The following DCC variants were observed in gnomAD, a reference collection of about 807,000 sequenced individuals.
DCC encodes the protein netrin receptor DCC.
A neutral mutation model predicts 172.5 loss-of-function variants in DCC; 58 were observed. That is an observed-to-expected ratio of 0.34 (90% CI 0.27 to 0.42). DCC has a LOEUF of 0.42. DCC is among the 10% of genes least tolerant of loss of function. The pLI is 1.00. For synonymous variants in DCC, 709 were observed against 644.5 expected (o/e 1.10, Z -1.52); for missense variants, 1,740 against 1,791.0 (o/e 0.97, Z 0.51).
chr18:52,529,764 A>G (rs1484309934), intron 1 of DCC, among the ~76,000 whole-genome samples: 3 of 152,202 alleles, frequency 2.0e-5, no homozygotes, highest in African/African-American at 7.2e-5. Flanking sequence ...GCCCTTGAAG[A>G]TGCATCCGCC....
intron 15 of DCC, among the ~76,000 whole-genome samples, chr18:53,351,423 T>A (rs1445815248): frequency 2.5e-4 from 6 of 23,622 alleles, no homozygotes; most frequent in African/African-American, 5.8e-4. Flanking sequence ...ATATACACAC[T>A]GTGTATATAT....
intron 21 of DCC, among the ~76,000 whole-genome samples, chr18:53,419,622 A>G (rs778220359): frequency 6.6e-6 from 1 of 152,086 alleles, no homozygotes; most frequent in Admixed American, 6.6e-5. Flanking sequence ...ATGAACCGCT[A>G]TGCAGCTCTT....
intron 14 of DCC, among the ~76,000 whole-genome samples, chr18:53,333,842 G>A (rs1395701149): frequency 6.6e-6 from 1 of 152,154 alleles, no homozygotes; most frequent in African/African-American, 2.4e-5. Flanking sequence ...TTCCACATCT[G>A]TGTATATCTA....
chr18:53,009,939 A>G (rs1259308266), intron 5 of DCC, among the ~76,000 whole-genome samples: 1 of 151,952 alleles, frequency 6.6e-6, no homozygotes, highest in Non-Finnish European at 1.5e-5. Context: ...TTCTCTAGGT[A>G]GATGCGATGA....
At chr18:52,715,574 G>A (rs1448453902) in intron 1 of DCC, among the ~76,000 whole-genome samples, 11 of 152,016 alleles carry the variant, frequency 7.2e-5, no homozygotes, top group Admixed American at 3.9e-4. Context: ...CAATATGCTG[G>A]GATTACAGGA....
At chr18:52,716,709 G>A (rs548943126) in intron 1 of DCC, among the ~76,000 whole-genome samples, 23 of 152,272 alleles carry the variant, frequency 1.5e-4, no homozygotes, top group South Asian at 1.4e-3. Context: ...AGCATCTTCC[G>A]TTTAACTCCA....
chr18:53,022,583 A>G (rs2041897308), intron 5 of DCC, among the ~76,000 whole-genome samples: 1 of 151,520 alleles, frequency 6.6e-6, no homozygotes, highest in Admixed American at 6.6e-5. Context: ...CACTAACGGA[A>G]CACCATGGGA....
chr18:52,840,670 CTAAAA>C (rs1259074386), intron 2 of DCC, among the ~76,000 whole-genome samples: 1 of 152,026 alleles, frequency 6.6e-6, no homozygotes, highest in East Asian at 1.9e-4. Context: ...CACGCAGGGC[CTAAAA>C]TAAAATGACT....
At chr18:53,208,719 A>C (rs923177799) in intron 11 of DCC, among the ~76,000 whole-genome samples, 4 of 152,088 alleles carry the variant, frequency 2.6e-5, no homozygotes, top group African/African-American at 9.7e-5. Flanking sequence ...TCCTGGGCTC[A>C]AGGGCTTTTC....
intron 7 of DCC, among the ~76,000 whole-genome samples, chr18:53,110,552 GAAAAAAACAAACAACCCTATCAA>G (rs893327267): frequency 6.6e-6 from 1 of 151,454 alleles, no homozygotes; most frequent in Admixed American, 6.6e-5. Flanking sequence ...AAATTTACAA[GAAAAAAACAAACAACCCTATCAA>G]AAATTGGGCG....
chr18:52,897,652 T>C (rs2039750208), intron 2 of DCC, among the ~76,000 whole-genome samples: 1 of 152,222 alleles, frequency 6.6e-6, no homozygotes, highest in Non-Finnish European at 1.5e-5. Flanking sequence ...TGTTTTTCTT[T>C]CCCTTTGACA....
At chr18:52,970,691 G>T (rs976244113) in intron 5 of DCC, among the ~76,000 whole-genome samples, 1 of 152,174 alleles carries the variant, frequency 6.6e-6, no homozygotes, top group Non-Finnish European at 1.5e-5. Context: ...ATAGCATGGG[G>T]TGGGGAGGTA....
intron 3 of DCC, among the ~76,000 whole-genome samples, chr18:52,919,114 C>T (rs1005943245): frequency 1.3e-5 from 2 of 152,150 alleles, no homozygotes; most frequent in African/African-American, 2.4e-5. Context: ...TTATTCTCCA[C>T]GTGACTTTCT....
chr18:53,224,375 G>T (rs757588404), intron 12 of DCC, among the ~76,000 whole-genome samples: 1 of 152,166 alleles, frequency 6.6e-6, no homozygotes, highest in African/African-American at 2.4e-5. Context: ...ATAGAAGACG[G>T]ATTGCTGGGT....
intron 13 of DCC, among the ~76,000 whole-genome samples, chr18:53,309,964 G>GTGTATATATATATATA (rs371302546): frequency 1.5e-5 from 2 of 137,352 alleles, no homozygotes; most frequent in African/African-American, 5.4e-5. Flanking sequence ...ATACGTGTGT[G>GTGTATATATATATATA]TATATATATA....
intron 8 of DCC, among the ~76,000 whole-genome samples, chr18:53,175,063 C>T (rs529082739): frequency 1.0e-3 from 156 of 151,872 alleles, no homozygotes; most frequent in African/African-American, 3.4e-3. Flanking sequence ...TAAACAGAGC[C>T]AAAGACAAAA....
intron 1 of DCC, among the ~76,000 whole-genome samples, chr18:52,346,049 T>C (rs942077528): frequency 6.6e-5 from 10 of 152,204 alleles, no homozygotes; most frequent in African/African-American, 2.2e-4. Flanking sequence ...CATTTCTTAA[T>C]AATATCATAA....
At chr18:52,816,903 T>A (rs1289420405) in intron 2 of DCC, 2 of 152,196 alleles carry the variant, frequency 1.3e-5, no homozygotes, top group South Asian at 2.1e-4. Flanking sequence ...CTTTTGCTTC[T>A]CAGTGTCAAA....
intron 1 of DCC, among the ~76,000 whole-genome samples, chr18:52,657,284 C>A: frequency 6.6e-6 from 1 of 152,200 alleles, no homozygotes; most frequent in East Asian, 1.9e-4. Flanking sequence ...CTCTTCCCCT[C>A]CTGGCTGCTT....
Sources: allele counts gnomAD v4.1 joint callset (sites outside exome capture counted in the v4.1 genomes callset), GRCh38; gene constraint gnomAD v4.1.1; transcripts MANE v1.5; gene names NCBI Gene and HGNC (gene_info 2026-07-23, HGNC 2026-07-21).